The following ZC3H11A variants were observed in gnomAD, a reference collection of about 807,000 sequenced individuals.
The protein encoded by ZC3H11A is zinc finger CCCH-type containing 11A.
A neutral mutation model predicts 90.8 loss-of-function variants in ZC3H11A; 22 were observed. That is an observed-to-expected ratio of 0.24 (90% CI 0.17 to 0.35). The LOEUF (loss-of-function observed/expected upper bound fraction) is 0.35. Among genes scored for constraint, ZC3H11A ranks in the 10% least tolerant of loss-of-function variants. The pLI, the probability that ZC3H11A is intolerant of heterozygous loss-of-function variation, is 1.00. For synonymous variants in ZC3H11A, 294 were observed against 339.8 expected (o/e 0.87, Z 1.48); for missense variants, 701 against 964.9 (o/e 0.73, Z 3.62).
intron 11 of ZC3H11A, among the ~76,000 whole-genome samples, chr1:203,839,787 G>A (rs986146984): frequency 1.3e-5 from 2 of 151,760 alleles, no homozygotes; most frequent in Non-Finnish European, 2.9e-5. Context: ...TATAAAGTAC[G>A]TTTTTCTTTG....
intron 9 of ZC3H11A, 116 bp downstream of exon 9, chr1:203,831,887 G>A (rs1300645801): frequency 9.1e-6 from 7 of 768,386 alleles, no homozygotes; most frequent in African/African-American, 1.8e-5. Flanking sequence ...TTAGTATGCT[G>A]ATGAGATAAT....
chr1:203,823,390 A>G (rs1202118796), intron 4 of ZC3H11A, among the ~76,000 whole-genome samples: 1 of 152,236 alleles, frequency 6.6e-6, no homozygotes, highest in Non-Finnish European at 1.5e-5. Flanking sequence ...AGGGAAATCC[A>G]TTAGAGACTC....
At chr1:203,830,009 C>T (rs559589038) in intron 7 of ZC3H11A, 113 bp downstream of exon 7, 8 of 1,299,528 alleles carry the variant, frequency 6.2e-6, no homozygotes, top group Non-Finnish European at 7.7e-6. Context: ...GCATACTTAC[C>T]TATACTTAGT....
At chr1:203,807,051 A>G (rs982993607) in intron 2 of ZC3H11A, among the ~76,000 whole-genome samples, 3 of 151,218 alleles carry the variant, frequency 2.0e-5, no homozygotes, top group Non-Finnish European at 4.4e-5. Context: ...TATTTATTTT[A>G]TTTCAATTTT....
intron 8 of ZC3H11A, among the ~76,000 whole-genome samples, 184 bp downstream of exon 8, chr1:203,830,387 A>T (rs1197219870): frequency 6.6e-6 from 1 of 152,338 alleles, no homozygotes; most frequent in East Asian, 1.9e-4. Flanking sequence ...TTCAGTCCCT[A>T]ACTTTTCAGA....
At chr1:203,851,752 C>T (rs895586094) in intron 17 of ZC3H11A, among the ~76,000 whole-genome samples, 6 of 151,866 alleles carry the variant, frequency 4.0e-5, no homozygotes, top group Admixed American at 2.0e-4. Context: ...CACTTGAGCT[C>T]AGGAGTTCAA....
At chr1:203,824,896 G>A (rs1200544814) in intron 4 of ZC3H11A, among the ~76,000 whole-genome samples, 1 of 152,064 alleles carries the variant, frequency 6.6e-6, no homozygotes, top group Non-Finnish European at 1.5e-5. Context: ...ACAACATGGT[G>A]AAACCCTGTC....
chr1:203,797,675 A>T lies in ZC3H11A; in HGVS notation c.-1588+1881A>T, dbSNP rs1386587365. ...TAGAGGAAAAGATGGTAGCAGAAGG[A>T]GTGAATAAAGAGGCAAAACAGCCTG... On this transcript the variant is annotated intron_variant, in intron 1 of 17. Transcript: ENST00000367210. 3.3e-6 allele frequency: 5 copies of T among 1,536,030 alleles called. No homozygotes were observed. The South Asian group carries it at 5.9e-5, about 18-fold the overall frequency.
At chr1:203,849,217 T>C (rs1688697280) in intron 14 of ZC3H11A, among the ~76,000 whole-genome samples, 1 of 152,204 alleles carries the variant, frequency 6.6e-6, no homozygotes, top group Non-Finnish European at 1.5e-5. Flanking sequence ...TATGCATGCA[T>C]GTGAATTTGT....
At chr1:203,829,925 A>G (rs1166501442) in intron 7 of ZC3H11A, 29 bp downstream of exon 7, 5 of 1,574,894 alleles carry the variant, frequency 3.2e-6, no homozygotes, top group East Asian at 2.2e-5. Flanking sequence ...GGTGCCTCTT[A>G]TAGCACTGTT....
At chr1:203,818,783 A>G (rs1034162914) in intron 4 of ZC3H11A, 94 bp downstream of exon 4, 4 of 1,576,652 alleles carry the variant, frequency 2.5e-6, no homozygotes, top group Middle Eastern at 1.7e-4. Context: ...TAAAAAATAT[A>G]TTAAGGCTGA....
chr1:203,802,713 TC>T lies in ZC3H11A; in HGVS notation c.-448del, dbSNP rs1401554207. The T allele has an allele frequency of 1.6e-5, 1 of 63,728 alleles. No homozygotes were observed. The highest frequency in any genetic ancestry group is 4.1e-5 in the Non-Finnish European group (1 of 24,214). 3.9% of individuals were successfully genotyped at this position (63,728 alleles called of 1,614,324 possible). On this transcript the variant is annotated 5_prime_UTR_variant, in exon 2 of 18. The change abolishes the stop of an existing upstream ORF in the 5' untranslated region. Transcript: ENST00000367210. ...CTCTCAAGTTCATCTTTAAATGAAC[TC>T]TTTTTTTTTGTTTTTTTTTTGTTTT...
intron 15 of ZC3H11A, 161 bp downstream of exon 15, chr1:203,850,187 C>T (rs1572378689): frequency 1.0e-5 from 7 of 700,182 alleles, no homozygotes; most frequent in East Asian, 2.7e-5. Flanking sequence ...AGAGGCAAAA[C>T]GAGATGAATT....
intron 8 of ZC3H11A, among the ~76,000 whole-genome samples, chr1:203,830,925 A>ATTTTTTTTTTTTTTT (rs774771270): frequency 1.9e-5 from 1 of 51,352 alleles, no homozygotes. Context: ...CCAACCCCCA[A>ATTTTTTTTTTTTTTT]TTTTTTTTTT....
chr1:203,806,089 A>G, intron 2 of ZC3H11A: 2 of 503,972 alleles, frequency 4.0e-6, no homozygotes, highest in South Asian at 1.6e-5. Context: ...TTTCTGCGTA[A>G]TCATATTCTT....
At chr1:203,800,553 A>G (rs982797654) in intron 1 of ZC3H11A, 95 of 1,224,110 alleles carry the variant, frequency 7.8e-5, no homozygotes, top group Non-Finnish European at 1.0e-4. Flanking sequence ...TATCTTTATA[A>G]ACACATCTGG....
rs751666098 is a variant in ZC3H11A at position 203,849,755 on chromosome 1, C to T, written c.1668C>T (p.Val556=). The T allele has an allele frequency of 1.2e-6, 2 of 1,613,860 alleles. No homozygotes were observed. The highest frequency in any genetic ancestry group is 2.2e-5 in the South Asian group (2 of 91,048). The change falls in exon 15 of 18, where the codon GTC becomes GTT. Residue 556 remains valine (V), a synonymous_variant. Coordinates refer to ENST00000367210, the MANE Select transcript of ZC3H11A (RefSeq NM_001376342.1). ...GAGTTGACATCACTAAAATTCAAGT[C>T]AAGAGATGTGAGACCATGAGAGAGA... ...TTGVDITKIQ[V]KRCETMREKH...
In ZC3H11A at chr1:203,849,903, C is replaced by T. The variant is rs779605538; in HGVS notation, c.1816C>T (p.Arg606Trp). ...GCTCACTGCTGTGCCAGGAATCACACGGCACCTGACCAAGCGGCTTCCCAC... is the reference window on the plus strand; with the variant it reads ...GCTCACTGCTGTGCCAGGAATCACATGGCACCTGACCAAGCGGCTTCCCAC... ...PVLTAVPGITRHLTKRLPTKS... is the reference protein window; with the variant it reads ...PVLTAVPGITWHLTKRLPTKS... Residue 606 changes from arginine (R) to tryptophan (W), a missense_variant, in exon 15 of 18, where the codon CGG becomes TGG. Physicochemically the swap from Arg to Trp is moderately radical, Grantham distance 101 (BLOSUM62 -3). Around this residue, in one of 4 missense-constraint regions of ZC3H11A, gnomAD observed 530 missense variants for 696.2 expected, o/e 0.76. Coordinates refer to ENST00000367210, the MANE Select transcript of ZC3H11A (RefSeq NM_001376342.1). 16 of 1,613,948 alleles carry T rather than the reference C, an allele frequency of 9.9e-6. No homozygotes were observed. In the East Asian group the frequency reaches 1.1e-4, roughly 11 times the overall value.
intron 2 of ZC3H11A, among the ~76,000 whole-genome samples, chr1:203,809,172 GTTTTTTT>G (rs33926996): frequency 1.2e-5 from 1 of 83,250 alleles, no homozygotes; most frequent in African/African-American, 5.1e-5. Context: ...TCTTCTCACT[GTTTTTTT>G]TTTTTTTTTT....
Sources: allele counts gnomAD v4.1 joint callset (sites outside exome capture counted in the v4.1 genomes callset), GRCh38; gene constraint gnomAD v4.1.1; regional missense constraint gnomAD v4.1.1; transcripts MANE v1.5; gene names NCBI Gene and HGNC (gene_info 2026-07-23, HGNC 2026-07-21).